DBR1: variants seen among roughly 807,000 people sequenced by gnomAD.
DBR1 encodes the protein lariat debranching enzyme.
DBR1 carries 33 observed loss-of-function variants against 45.9 expected under a neutral mutation model. That is an observed-to-expected ratio of 0.72 (90% CI 0.55 to 0.96). DBR1 has a LOEUF of 0.96. DBR1 is among the 40% of genes least tolerant of loss of function. DBR1 has a pLI of 0.00. For synonymous variants in DBR1, 235 were observed against 235.9 expected, an observed-to-expected ratio of 1.00 and a Z score of 0.04; for missense variants, 619 against 667.4, an observed-to-expected ratio of 0.93 and a Z score of 0.80.
intron 2 of DBR1, among the ~76,000 whole-genome samples, chr3:138,172,272 G>A (rs1047360979): frequency 6.6e-6 from 1 of 152,126 alleles, no homozygotes; most frequent in African/African-American, 2.4e-5. Context: ...AACTGTTCTA[G>A]AAAGAATATA....
chr3:138,164,844 G>C (rs1170048222), intron 5 of DBR1, among the ~76,000 whole-genome samples: 2 of 152,034 alleles, frequency 1.3e-5, no homozygotes, highest in African/African-American at 4.8e-5. Flanking sequence ...ATGGAGTTTC[G>C]CCATGTTGGC....
chr3:138,172,188 A>G (rs928366306), intron 2 of DBR1, among the ~76,000 whole-genome samples: 3 of 152,250 alleles, frequency 2.0e-5, no homozygotes, highest in African/African-American at 7.2e-5. Flanking sequence ...GAATACATCA[A>G]AAGATGATCA....
Position 138,167,253 on chromosome 3 carries a change from T to C in DBR1, c.542A>G (p.Tyr181Cys), listed in dbSNP as rs2042934488. Residue 181 changes from tyrosine (Y) to cysteine (C), a missense_variant, in exon 5 of 8, where the codon TAT becomes TGT. Around this residue, in one of 3 missense-constraint regions of DBR1, gnomAD observed 430 missense variants for 447.7 expected, o/e 0.96. Coordinates refer to ENST00000260803, the MANE Select transcript of DBR1 (RefSeq NM_016216.4). Reference protein sequence around the residue: ...FLSHDWPRSIYHYGNKKQLLK... With the variant: ...FLSHDWPRSICHYGNKKQLLK... ...AAGTTGCTTCTTATTTCCATAATGA[T>C]ATATACTTCTTGGCCAATCATGAGA... is the stretch of plus-strand genomic sequence containing the variant. 1 of 1,613,192 alleles carries C rather than the reference T, an allele frequency of 6.2e-7. No homozygotes were observed. Among genetic ancestry groups the C allele is most frequent in the Non-Finnish European group, 8.5e-7 (1 of 1,179,780 alleles).
At chr3:138,163,326 G>T (rs775435450) in intron 7 of DBR1, 23 bp downstream of exon 7, 1 of 1,605,758 alleles carries the variant, frequency 6.2e-7, no homozygotes, top group South Asian at 1.1e-5. Context: ...GAAAAAGCAG[G>T]TCCTAAATAA....
At chr3:138,173,972 T>C (rs115291146) in intron 1 of DBR1, among the ~76,000 whole-genome samples, 2,273 of 143,960 alleles carry the variant, frequency 0.016, 58 homozygotes, top group African/African-American at 0.056. Flanking sequence ...AGTGGGTCAA[T>C]ATCGCGGTAC....
intron 2 of DBR1, 32 bp downstream of exon 2, chr3:138,173,469 GA>G (rs771605497): frequency 9.1e-4 from 1,459 of 1,606,780 alleles, no homozygotes; most frequent in Non-Finnish European, 1.2e-3. Context: ...TCCATCCCAG[GA>G]AAAAAAAGTA....
At chr3:138,164,429 C>T (rs73867021) in intron 5 of DBR1, among the ~76,000 whole-genome samples, 2 of 152,128 alleles carry the variant, frequency 1.3e-5, no homozygotes, top group Non-Finnish European at 2.9e-5. Context: ...TTTACGATTC[C>T]ATTTAAATGA....
chr3:138,173,768 G>T, intron 1 of DBR1, 142 bp from the exon 2 acceptor site: 1 of 872,304 alleles, frequency 1.1e-6, no homozygotes, highest in East Asian at 2.8e-5. Context: ...TGGGCGCGGT[G>T]GCTCCCTCCT....
At chr3:138,165,682 T>C (rs2042926942) in intron 5 of DBR1, among the ~76,000 whole-genome samples, 1 of 150,544 alleles carries the variant, frequency 6.6e-6, no homozygotes, top group Non-Finnish European at 1.5e-5. Flanking sequence ...TGAGTGGAGA[T>C]CGCGCCACTG....
chr3:138,174,385 C>T (rs1010550616), intron 1 of DBR1, among the ~76,000 whole-genome samples: 2 of 152,300 alleles, frequency 1.3e-5, no homozygotes, highest in Middle Eastern at 3.4e-3. Flanking sequence ...AGATAGGGTG[C>T]TAGTGAAACT....
In DBR1 at chr3:138,162,105, G is replaced by C. The variant is rs765071543; in HGVS notation, c.1419C>G (p.Gly473=). Residue 473 remains glycine, a synonymous_variant, in exon 8 of 8, where the codon GGC becomes GGG. Coordinates refer to ENST00000260803, the MANE Select transcript of DBR1 (RefSeq NM_016216.4). ...ASFSDVRILP[G]SMIVSSDDTV... is the part of the protein sequence containing the mutation. ...TATCATCAGAAGATACAATCATAGA[G>C]CCTGGCAAGATCCTGACATCAGAGA... The C allele has an allele frequency of 3.7e-6, 6 of 1,614,038 alleles. No individual in the cohort carries two copies. The East Asian group carries it at 1.1e-4, about 30-fold the overall frequency.
At chr3:138,171,543 G>T (rs1026546807) in intron 3 of DBR1, 90 bp downstream of exon 3, 5 of 408,318 alleles carry the variant, frequency 1.2e-5, no homozygotes, top group Admixed American at 3.4e-5. Flanking sequence ...AGGATACAAA[G>T]ATATATGAAA....
intron 5 of DBR1, among the ~76,000 whole-genome samples, chr3:138,166,353 G>A (rs1029320432): frequency 6.6e-6 from 1 of 152,144 alleles, no homozygotes; most frequent in Non-Finnish European, 1.5e-5. Flanking sequence ...AAAGAAAACT[G>A]GGGGTCATCC....
In DBR1 at chr3:138,171,662, C is replaced by T; in HGVS notation, c.374G>A (p.Gly125Asp). The T allele has an allele frequency of 6.2e-7, 1 of 1,613,312 alleles. No homozygotes were observed. ...YRGVRIGGIS[G>D]IFKSHDYRKG... ...TCGATAGTCATGAGATTTAAAGATA[C>T]CAGAGATTCCACCGATCCTTACACC... Residue 125 changes from glycine to aspartate, a missense_variant, in exon 3 of 8, where the codon GGT becomes GAT. This residue lies in a region of DBR1 where 430 missense variants were observed against 447.7 expected (regional missense o/e 0.96). Transcript: ENST00000260803.
At chr3:138,163,240 T>C in intron 7 of DBR1, 109 bp downstream of exon 7, 1 of 1,155,152 alleles carries the variant, frequency 8.7e-7, no homozygotes, top group Non-Finnish European at 1.2e-6. Flanking sequence ...GCAGTCCAGT[T>C]TGGATAACAG....
intron 1 of DBR1, 86 bp downstream of exon 1, chr3:138,174,513 G>C: frequency 7.4e-7 from 1 of 1,349,182 alleles, no homozygotes; most frequent in East Asian, 2.5e-5. Context: ...AACAAAGACA[G>C]GATCTAAGGG....
intron 7 of DBR1, among the ~76,000 whole-genome samples, chr3:138,163,050 G>T (rs1288249378): frequency 3.3e-5 from 5 of 152,150 alleles, no homozygotes; most frequent in Admixed American, 6.5e-5. Context: ...TTGAGCTCAG[G>T]AGTTCAAGAC....
intron 5 of DBR1, among the ~76,000 whole-genome samples, chr3:138,166,089 A>C (rs139435160): frequency 6.6e-6 from 1 of 152,170 alleles, no homozygotes; most frequent in Non-Finnish European, 1.5e-5. Flanking sequence ...GTCACATTCT[A>C]CTCTTGAGAA....
In DBR1 at chr3:138,162,445, A is replaced by G. The variant is rs1230935065; in HGVS notation, c.1079T>C (p.Ile360Thr). Reference sequence around the variant, plus strand: ...AGTTGTCTGAGGATTGATCCTATGAATCAGCTGCATTTGTGTCTGTGGCTT... The same window carrying G: ...AGTTGTCTGAGGATTGATCCTATGAGTCAGCTGCATTTGTGTCTGTGGCTT... Reference protein sequence around the residue: ...PSKPQTQMQLIHRINPQTTEF... With the variant: ...PSKPQTQMQLTHRINPQTTEF... Residue 360 changes from isoleucine (I) to threonine (T), a missense_variant, in exon 8 of 8, where the codon ATT (isoleucine) becomes ACT (threonine). This residue lies in a region of DBR1 where 430 missense variants were observed against 447.7 expected (regional missense o/e 0.96). Coordinates refer to ENST00000260803, the MANE Select transcript of DBR1 (RefSeq NM_016216.4). 2 of 1,614,200 alleles carry G rather than the reference A, an allele frequency of 1.2e-6. No individual in the cohort carries two copies. The highest frequency in any genetic ancestry group is 2.2e-5 in the South Asian group (2 of 91,086).
Sources: gnomAD v4.1 joint callset for allele counts (sites outside exome capture counted in the v4.1 genomes callset) on GRCh38, gnomAD v4.1.1 for gene constraint, gnomAD v4.1.1 regional missense constraint, MANE v1.5 for transcripts, NCBI Gene and HGNC (gene_info 2026-07-23, HGNC 2026-07-21) for gene names.